Variants in SLC24A2 observed in about 807,000 individuals in gnomAD.
SLC24A2 encodes solute carrier family 24 member 2, also known as sodium/potassium/calcium exchanger 2.
In SLC24A2, 36 loss-of-function variants were observed where a neutral mutation model predicts 62.0. That is an observed-to-expected ratio of 0.58 (90% CI 0.44 to 0.77). The LOEUF is 0.77. Among genes scored for constraint, SLC24A2 ranks in the 30% least tolerant of loss-of-function variants. The pLI is 0.00. For synonymous variants in SLC24A2, 358 were observed against 294.0 expected, an observed-to-expected ratio of 1.22 and a Z score of -2.23; for missense variants, 846 against 817.9, an observed-to-expected ratio of 1.03 and a Z score of -0.42.
At chr9:20,104,660 G>C in the SLC24A2 span, among the ~76,000 whole-genome samples, 362 of 152,244 alleles carry the variant, frequency 2.4e-3, no homozygotes, top group African/African-American at 8.3e-3. Context: ...GAGAGATTTT[G>C]TCACCACCAG....
the SLC24A2 span, among the ~76,000 whole-genome samples, chr9:20,030,994 G>A: frequency 1.3e-5 from 2 of 152,006 alleles, no homozygotes; most frequent in African/African-American, 2.4e-5. Context: ...AGATTTGCTA[G>A]ACTGCTTCTT....
chr9:19,516,478 T>G (rs985581953), intron 10 of SLC24A2, 76 bp from the exon 11 acceptor site: 1 of 1,514,654 alleles, frequency 6.6e-7, no homozygotes, highest in Non-Finnish European at 9.0e-7. Flanking sequence ...AAGGCAAATA[T>G]AACCTATTAT....
chr9:19,993,642 G>A, the SLC24A2 span, among the ~76,000 whole-genome samples: 10 of 152,262 alleles, frequency 6.6e-5, no homozygotes, highest in Middle Eastern at 3.4e-3. Flanking sequence ...CTCCTCCTCC[G>A]TGAAGCTAAA....
the SLC24A2 span, among the ~76,000 whole-genome samples, chr9:20,198,758 G>GT: frequency 6.6e-6 from 1 of 151,888 alleles, no homozygotes; most frequent in Non-Finnish European, 1.5e-5. Context: ...AGTAGCCTGG[G>GT]TTTCGGCTGG....
chr9:19,565,471 C>A (rs1315165585), intron 7 of SLC24A2, among the ~76,000 whole-genome samples: 3 of 150,868 alleles, frequency 2.0e-5, no homozygotes, highest in Admixed American at 6.6e-5. Flanking sequence ...AAAGAGGATA[C>A]AAACAAATGG....
intron 2 of SLC24A2, among the ~76,000 whole-genome samples, chr9:19,785,107 C>T (rs1823123486): frequency 1.3e-5 from 2 of 152,060 alleles, no homozygotes; most frequent in South Asian, 2.1e-4. Flanking sequence ...ATTACAATAC[C>T]ACATACGATT....
At chr9:19,881,732 A>T in the SLC24A2 span, among the ~76,000 whole-genome samples, 4 of 152,280 alleles carry the variant, frequency 2.6e-5, no homozygotes, top group Admixed American at 2.6e-4. Context: ...ACAGAGTCAA[A>T]TTTGCACATG....
chr9:19,880,146 C>G, the SLC24A2 span, among the ~76,000 whole-genome samples: 1 of 152,060 alleles, frequency 6.6e-6, no homozygotes, highest in African/African-American at 2.4e-5. Flanking sequence ...AATGCAATTA[C>G]TTTTTTAAAA....
At chr9:19,876,555 T>G in the SLC24A2 span, among the ~76,000 whole-genome samples, 1 of 152,162 alleles carries the variant, frequency 6.6e-6, no homozygotes, top group African/African-American at 2.4e-5. Context: ...AAATTGGCTT[T>G]CCATAGAACT....
the SLC24A2 span, among the ~76,000 whole-genome samples, chr9:20,039,194 C>T: frequency 6.6e-6 from 1 of 152,166 alleles, no homozygotes; most frequent in Non-Finnish European, 1.5e-5. Context: ...TGGTGTGTCT[C>T]TTCTGTGACC....
At chr9:20,091,904 T>C in the SLC24A2 span, among the ~76,000 whole-genome samples, 4 of 152,190 alleles carry the variant, frequency 2.6e-5, no homozygotes, top group Non-Finnish European at 5.9e-5. Flanking sequence ...TGGAATACTA[T>C]GCAGCCATTA....
chr9:20,262,199 T>C, the SLC24A2 span, among the ~76,000 whole-genome samples: 2 of 152,218 alleles, frequency 1.3e-5, no homozygotes, highest in Non-Finnish European at 1.5e-5. Context: ...AGGGTTTTAC[T>C]TATAAGCAAA....
chr9:20,057,363 C>T, the SLC24A2 span, among the ~76,000 whole-genome samples: 3 of 152,168 alleles, frequency 2.0e-5, no homozygotes, highest in Non-Finnish European at 4.4e-5. Flanking sequence ...GCACTTCTGA[C>T]CTATCAATAA....
intron 2 of SLC24A2, among the ~76,000 whole-genome samples, chr9:19,725,354 G>C (rs767462969): frequency 1.9e-4 from 29 of 152,140 alleles, no homozygotes; most frequent in Non-Finnish European, 3.8e-4. Flanking sequence ...TTTCTCAGTA[G>C]CTAAAAGAGT....
rs780626852 is a variant in SLC24A2 at position 19,714,660 on chromosome 9, A to C, written c.930+71277T>G. ...TTTTTTGCGTATATCTATTTAAGATATACAACATGATGTTATGAAATACAT... is the reference window on the plus strand; with the variant it reads ...TTTTTTGCGTATATCTATTTAAGATCTACAACATGATGTTATGAAATACAT... On this transcript the variant is annotated intron_variant, in intron 2 of 10. Coordinates refer to ENST00000341998, the MANE Select transcript of SLC24A2 (RefSeq NM_020344.4). Among the ~76,000 whole-genome samples the C allele has an allele frequency of 2.6e-5, 4 of 152,328 alleles. No homozygotes were observed. The South Asian group carries it at 8.3e-4, about 32-fold the overall frequency.
At chr9:20,088,616 CTGT>C in the SLC24A2 span, among the ~76,000 whole-genome samples, 1 of 152,178 alleles carries the variant, frequency 6.6e-6, no homozygotes, top group Admixed American at 6.5e-5. Context: ...GCATCCTTAG[CTGT>C]TGTTGTCTTT....
the SLC24A2 span, among the ~76,000 whole-genome samples, chr9:20,260,849 C>CTT: frequency 1.2e-3 from 105 of 90,278 alleles, 1 homozygote; most frequent in African/African-American, 4.4e-3. Context: ...ATCATTCTTT[C>CTT]TTTTTTTTTT....
chr9:19,971,049 G>T, the SLC24A2 span, among the ~76,000 whole-genome samples: 8,363 of 152,178 alleles, frequency 0.055, 284 homozygotes, highest in African/African-American at 0.096. Flanking sequence ...ACAAATGTGG[G>T]GCAAACAGAG....
chr9:20,095,986 G>A, the SLC24A2 span, among the ~76,000 whole-genome samples: 1 of 152,032 alleles, frequency 6.6e-6, no homozygotes, highest in South Asian at 2.1e-4. Context: ...ATTTCCCACT[G>A]GGTCCCTTCC....
Sources: allele counts gnomAD v4.1 joint callset (sites outside exome capture counted in the v4.1 genomes callset), GRCh38; gene constraint gnomAD v4.1.1; transcripts MANE v1.5; gene names NCBI Gene and HGNC (gene_info 2026-07-23, HGNC 2026-07-21).